PKHD1L1: variants seen among roughly 807,000 people sequenced by gnomAD.
The protein encoded by PKHD1L1 is PKHD1 like 1.
Under a neutral mutation model 462.9 loss-of-function variants are expected in PKHD1L1, and 434 were observed. The ratio of observed to expected loss-of-function variants is 0.94; its 90% CI spans 0.87 to 1.02. PKHD1L1 has a LOEUF of 1.02. PKHD1L1 is among the 50% of genes least tolerant of loss of function. PKHD1L1 has a pLI of 0.00. For synonymous variants in PKHD1L1, 1,781 were observed against 1,750.0 expected, an observed-to-expected ratio of 1.02 and a Z score of -0.44; for missense variants, 5,202 against 5,096.1, an observed-to-expected ratio of 1.02 and a Z score of -0.63.
chr8:109,480,744 ATTATTATTAT>A (rs1360066838), intron 55 of PKHD1L1: 1 of 314,740 alleles, frequency 3.2e-6, no homozygotes, highest in Non-Finnish European at 6.4e-6. Flanking sequence ...AGCAGTTAGC[ATTATTATTAT>A]TTCTTTGAGA....
intron 28 of PKHD1L1, among the ~76,000 whole-genome samples, chr8:109,433,459 CT>C (rs1291394460): frequency 2.0e-5 from 3 of 152,136 alleles, no homozygotes. Flanking sequence ...TAATTTTATC[CT>C]TTTTCCCCCC....
chr8:109,437,067 C>T (rs1815461103), intron 30 of PKHD1L1, among the ~76,000 whole-genome samples: 2 of 152,092 alleles, frequency 1.3e-5, no homozygotes, highest in African/African-American at 4.8e-5. Context: ...AGGCATGTAC[C>T]ACCACGCCCA....
chr8:109,386,519 T>C (rs1812451428), intron 6 of PKHD1L1, among the ~76,000 whole-genome samples: 1 of 152,208 alleles, frequency 6.6e-6, no homozygotes, highest in South Asian at 2.1e-4. Context: ...ACAAGCAATT[T>C]AAAAGGTTTT....
chr8:109,396,024 C>T lies in PKHD1L1; in HGVS notation c.812-3C>T, dbSNP rs1388635533. On this transcript the variant is annotated splice_polypyrimidine_tract_variant and splice_region_variant and intron_variant, in intron 10 of 77. Transcript: ENST00000378402. ...TATTTTATTTAATGTGGTTTTCCCC[C>T]AGAGGTCACCATGATTTTCCCTTCA... 4.4e-6 allele frequency: 7 copies of T among 1,578,384 alleles called. No homozygotes were observed. Among genetic ancestry groups the T allele is most frequent in the Non-Finnish European group, 6.0e-6 (7 of 1,157,556 alleles).
At chr8:109,413,322 TG>T in intron 20 of PKHD1L1, 98 bp from the exon 21 acceptor site, 2 of 831,624 alleles carry the variant, frequency 2.4e-6, no homozygotes, top group Non-Finnish European at 3.4e-6. Context: ...ATGTAGAAAA[TG>T]CTCAATAAAT....
Position 109,404,733 on chromosome 8 carries a change from C to T in PKHD1L1, c.1533+20C>T. The stretch of plus-strand genomic sequence containing the variant: ...GTACAGGTTTGCTATGATTGCAGTT[C>T]CTCTTACAGAAAGTAAATGTTCGAA... On this transcript the variant is annotated intron_variant, in intron 15 of 77. Transcript: ENST00000378402. The T allele has an allele frequency of 6.4e-7, 1 of 1,569,862 alleles. No homozygotes were observed. The highest frequency in any genetic ancestry group is 8.6e-7 in the Non-Finnish European group (1 of 1,159,598).
intron 13 of PKHD1L1, among the ~76,000 whole-genome samples, chr8:109,400,599 A>G (rs1813224237): frequency 6.6e-6 from 1 of 151,668 alleles, no homozygotes. Context: ...GATAAAATTC[A>G]TCTCTCTATT....
At chr8:109,486,031 G>A (rs1353766808) in intron 58 of PKHD1L1, among the ~76,000 whole-genome samples, 1 of 151,852 alleles carries the variant, frequency 6.6e-6, no homozygotes, top group Non-Finnish European at 1.5e-5. Flanking sequence ...AAATGCACCT[G>A]CTTGTCTTAA....
In PKHD1L1 at chr8:109,443,864, A is replaced by G. The variant is rs1815960996; in HGVS notation, c.4753A>G (p.Ile1585Val). 13 of 1,613,652 alleles carry G rather than the reference A, an allele frequency of 8.1e-6. No homozygotes were observed. The highest frequency in any genetic ancestry group is 1.1e-5 in the Non-Finnish European group (13 of 1,179,692). The stretch of plus-strand genomic sequence containing the variant: ...AACAGTAAATGAACTAATAACAATT[A>G]TTGGACATGGCTTTAGTAATCTCCC... Reference protein sequence around the residue: ...TGTVNELITIIGHGFSNLPWA... With the variant: ...TGTVNELITIVGHGFSNLPWA... Residue 1585 changes from isoleucine (I) to valine (V), a missense_variant, in exon 37 of 78, where the codon ATT (isoleucine) becomes GTT (valine). Ile to Val is a conservative substitution (Grantham distance 29). Transcript: ENST00000378402.
chr8:109,474,439 C>T (rs1254790700), intron 50 of PKHD1L1, among the ~76,000 whole-genome samples: 2 of 152,070 alleles, frequency 1.3e-5, no homozygotes, highest in Non-Finnish European at 2.9e-5. Flanking sequence ...TATAGTTTTT[C>T]CTGTAACAGG....
intron 17 of PKHD1L1, among the ~76,000 whole-genome samples, chr8:109,406,910 T>C (rs535496140): frequency 6.7e-6 from 1 of 149,986 alleles, no homozygotes; most frequent in African/African-American, 2.4e-5. Context: ...TTAAAATCCC[T>C]GAGGAGTCCT....
chr8:109,438,600 T>C (rs1222709010), intron 31 of PKHD1L1, 144 bp downstream of exon 31: 3 of 700,300 alleles, frequency 4.3e-6, no homozygotes, highest in Non-Finnish European at 6.7e-6. Context: ...TGTTTTATCA[T>C]AGATTAATCT....
chr8:109,412,604 C>CTA (rs1029051558), intron 20 of PKHD1L1, among the ~76,000 whole-genome samples, 190 bp downstream of exon 20: 111 of 151,580 alleles, frequency 7.3e-4, no homozygotes, highest in African/African-American at 5.3e-4. Context: ...TAGATATATT[C>CTA]TATATATATA....
intron 65 of PKHD1L1, 142 bp downstream of exon 65, chr8:109,497,414 T>G: frequency 7.6e-6 from 6 of 793,518 alleles, no homozygotes; most frequent in East Asian, 3.1e-5. Context: ...CACTGCCCTC[T>G]GCCTAAAAAA....
At position 109,497,233 on chromosome 8, in the gene PKHD1L1, T is replaced by A. The variant is rs201194016; in HGVS notation, c.10560T>A (p.Ala3520=). 25 of 1,613,542 alleles carry A rather than the reference T, an allele frequency of 1.5e-5. No individual in the cohort carries two copies. The South Asian group carries it at 2.4e-4, about 16-fold the overall frequency. ...TTCCAATGATTTACATGCCAGCTGC[T>A]ATATCACACAAAATTTCCAGTAAAA... ...AIFPMIYMPA[A]ISHKISSKNV... Residue 3520 remains alanine, a synonymous_variant, in exon 65 of 78, where the codon GCT becomes GCA. Transcript: ENST00000378402.
intron 21 of PKHD1L1, among the ~76,000 whole-genome samples, chr8:109,418,598 A>G (rs1814304941): frequency 1.3e-5 from 2 of 152,234 alleles, no homozygotes; most frequent in African/African-American, 4.8e-5. Flanking sequence ...GCAACCATTT[A>G]TATCTACAAA....
In PKHD1L1 at chr8:109,441,397, AC is replaced by A; in HGVS notation, c.4204+19del. The A allele has an allele frequency of 7.3e-7, 1 of 1,378,480 alleles. No individual in the cohort carries two copies. The highest frequency in any genetic ancestry group is 1.0e-6 in the Non-Finnish European group (1 of 994,298). 85.4% of individuals were successfully genotyped at this position (1,378,480 alleles called of 1,614,324 possible). A position where few individuals can be genotyped will look rare whatever the true frequency, so the allele number is the denominator to read the frequency against. ...AGATTCAGGTATCAGCCATTTATAT[AC>A]TATGAAATAATGGAAGCACTGAAAC... On this transcript the variant is annotated intron_variant, in intron 34 of 77. Coordinates refer to ENST00000378402, the MANE Select transcript of PKHD1L1 (RefSeq NM_177531.6).
Position 109,409,972 on chromosome 8 carries a change from T to C in PKHD1L1, c.2079T>C (p.Phe693=), listed in dbSNP as rs760119453. The C allele has an allele frequency of 2.0e-6, 3 of 1,520,996 alleles. No individual in the cohort carries two copies. The highest frequency in any genetic ancestry group is 3.7e-5 in the Admixed American group (2 of 53,550). The allele number at this position is 1,520,996 out of a possible 1,614,324, so 94.2% of individuals were successfully genotyped here. The change falls in exon 19 of 78, where the codon TTT becomes TTC. Residue 693 remains phenylalanine (F), a synonymous_variant. Coordinates refer to ENST00000378402, the MANE Select transcript of PKHD1L1 (RefSeq NM_177531.6). Reference sequence around the variant, plus strand: ...ATTTCAGAGACTATGAAACTGATTTTAATCTGGTATGAAATATTTAATGAA... The same window carrying C: ...ATTTCAGAGACTATGAAACTGATTTCAATCTGGTATGAAATATTTAATGAA... The part of the protein sequence containing the change: ...VKYFRDYETD[F]NLEHINRGQK...
Position 109,464,765 on chromosome 8 carries a change from C to T in PKHD1L1, c.7933C>T (p.Pro2645Ser). The T allele has an allele frequency of 6.2e-7, 1 of 1,613,778 alleles. No individual in the cohort carries two copies. The highest frequency in any genetic ancestry group is 8.5e-7 in the Non-Finnish European group (1 of 1,179,796). The change falls in exon 49 of 78, where the codon CCT becomes TCT. Residue 2645 changes from proline to serine, a missense_variant. This residue lies in a region of PKHD1L1 where 4,497 missense variants were observed against 4,336.8 expected (regional missense o/e 1.04). Transcript: ENST00000378402. ...TGSCTSTVPA[P>S]AIFNSLTTWN... is the part of the protein sequence containing the mutation. ...ATCTTGTACATCTACAGTGCCTGCACCTGCAATATTTAACTCACTTACTAC... is the reference window on the plus strand; with the variant it reads ...ATCTTGTACATCTACAGTGCCTGCATCTGCAATATTTAACTCACTTACTAC...
Sources: gnomAD v4.1 joint callset for allele counts (sites outside exome capture counted in the v4.1 genomes callset) on GRCh38, gnomAD v4.1.1 for gene constraint, gnomAD v4.1.1 regional missense constraint, MANE v1.5 for transcripts, NCBI Gene and HGNC (gene_info 2026-07-23, HGNC 2026-07-21) for gene names.